The following MTHFD2 variants were observed in gnomAD, a reference collection of about 807,000 sequenced individuals.
MTHFD2 encodes methylenetetrahydrofolate dehydrogenase (NADP+ dependent) 2, methenyltetrahydrofolate cyclohydrolase, also known as bifunctional methylenetetrahydrofolate dehydrogenase/cyclohydrolase, mitochondrial.
In MTHFD2, 26 loss-of-function variants were observed where a neutral mutation model predicts 36.8. The observed-to-expected ratio is 0.71, with a 90% confidence interval of 0.52 to 0.98. MTHFD2 has a LOEUF of 0.98. MTHFD2 is among the 50% of genes least tolerant of loss of function. The probability of loss-of-function intolerance (pLI) is 0.00; values close to 1 mark genes in which losing one functional copy is unlikely to be tolerated. For synonymous variants in MTHFD2, 164 were observed against 155.2 expected (o/e 1.06, Z -0.42); for missense variants, 373 against 434.0 (o/e 0.86, Z 1.25).
At chr2:74,205,649 T>C in intron 1 of MTHFD2, 56 bp from the exon 2 acceptor site, 1 of 1,565,470 alleles carries the variant, frequency 6.4e-7, no homozygotes, top group Non-Finnish European at 8.7e-7. Context: ...TGGCAGAGTT[T>C]TAGTTTTTAT....
Position 74,211,745 on chromosome 2 carries a change from T to TC in MTHFD2, c.770dup (p.Asn258LysfsTer16). 10 of 1,606,386 alleles carry TC rather than the reference T, an allele frequency of 6.2e-6. No homozygotes were observed. Among genetic ancestry groups the TC allele is most frequent in the Non-Finnish European group, 7.6e-6 (9 of 1,176,566 alleles). Reference sequence around the variant, plus strand: ...CTTTCCTTTCTCCATTTCCAGGTATTCCAAATCTGATCACAGCAGATATGA... The same window carrying TC: ...CTTTCCTTTCTCCATTTCCAGGTATTCCCAAATCTGATCACAGCAGATATGA... On this transcript the variant is annotated frameshift_variant, in exon 7 of 8. Coordinates refer to ENST00000394053, the MANE Select transcript of MTHFD2 (RefSeq NM_006636.4). LOFTEE classifies it high-confidence loss of function.
intron 6 of MTHFD2, 52 bp downstream of exon 6, chr2:74,211,343 T>C: frequency 8.5e-7 from 1 of 1,183,352 alleles, no homozygotes. Flanking sequence ...AAGAGGAGGT[T>C]GTACCCCTCA....
intron 3 of MTHFD2, among the ~76,000 whole-genome samples, chr2:74,208,090 T>C (rs560975500): frequency 6.6e-6 from 1 of 152,294 alleles, no homozygotes; most frequent in Non-Finnish European, 1.5e-5. Context: ...ACATTTTTCC[T>C]AGAAATGAAA....
intron 1 of MTHFD2, among the ~76,000 whole-genome samples, chr2:74,202,930 G>A (rs1694074191): frequency 6.6e-6 from 1 of 152,176 alleles, no homozygotes; most frequent in Non-Finnish European, 1.5e-5. Context: ...ATAATTAAAT[G>A]CTATTATATG....
At chr2:74,204,867 C>T (rs779571161) in intron 1 of MTHFD2, among the ~76,000 whole-genome samples, 3 of 152,134 alleles carry the variant, frequency 2.0e-5, no homozygotes, top group African/African-American at 7.2e-5. Context: ...GCTCTGTCAC[C>T]GAGGCTGGAG....
rs747175500 is a variant in MTHFD2, at chr2:74,208,556, A to G, written c.410-13A>G. ...GTGGTGATTTAAGGCAACTGTGCCA[A>G]TTTCTTTTTCAGAGCATATTGATGA... On this transcript the variant is annotated splice_polypyrimidine_tract_variant and intron_variant, in intron 3 of 7. Coordinates refer to ENST00000394053, the MANE Select transcript of MTHFD2 (RefSeq NM_006636.4). 51 of 1,612,798 alleles carry G rather than the reference A, an allele frequency of 3.2e-5. No individual in the cohort carries two copies. The highest frequency in any genetic ancestry group is 1.2e-4 in the Admixed American group (7 of 59,896).
chr2:74,203,863 T>TGAG (rs2103810911), intron 1 of MTHFD2, among the ~76,000 whole-genome samples: 1 of 51,166 alleles, frequency 2.0e-5, no homozygotes, highest in South Asian at 4.4e-4. Flanking sequence ...TTAGTTTAGT[T>TGAG]TAGTTTAGTT....
chr2:74,200,852 TAAC>T (rs1179352654), intron 1 of MTHFD2, among the ~76,000 whole-genome samples: 3 of 152,250 alleles, frequency 2.0e-5, no homozygotes, highest in Non-Finnish European at 2.9e-5. Context: ...TAATAATTGA[TAAC>T]AACTCTTCCC....
intron 5 of MTHFD2, 24 bp downstream of exon 5, chr2:74,210,073 C>A: frequency 6.3e-7 from 1 of 1,587,584 alleles, no homozygotes; most frequent in Non-Finnish European, 8.6e-7. Flanking sequence ...TTTCAGGGAA[C>A]ACTGTCCTTT....
intron 1 of MTHFD2, 135 bp downstream of exon 1, chr2:74,198,877 G>A: frequency 1.3e-6 from 1 of 795,118 alleles, no homozygotes; most frequent in Non-Finnish European, 1.8e-6. Context: ...GCCGCTGAGG[G>A]GTGTGGCGGG....
intron 1 of MTHFD2, among the ~76,000 whole-genome samples, chr2:74,199,011 C>T (rs891599379): frequency 6.6e-6 from 1 of 152,162 alleles, no homozygotes; most frequent in Non-Finnish European, 1.5e-5. Context: ...GTCGCCGGGG[C>T]CCGTGGCCAG....
At chr2:74,208,136 G>C (rs1341151488) in intron 3 of MTHFD2, among the ~76,000 whole-genome samples, 1 of 152,052 alleles carries the variant, frequency 6.6e-6, no homozygotes, top group Non-Finnish European at 1.5e-5. Flanking sequence ...CTTGGACTCT[G>C]TGCTTCCCAA....
At chr2:74,207,191 C>T (rs150543400) in intron 2 of MTHFD2, among the ~76,000 whole-genome samples, 1,760 of 150,710 alleles carry the variant, frequency 0.012, 26 homozygotes, top group African/African-American at 0.041. Flanking sequence ...TGCAGTGGTG[C>T]GATCTCAGCT....
At position 74,211,228 on chromosome 2, in the gene MTHFD2, T is replaced by C. The variant is rs748610324; in HGVS notation, c.700T>C (p.Tyr234His). 6.2e-7 allele frequency: 1 copy of C among 1,608,136 alleles called. No individual in the cohort carries two copies. The highest frequency in any genetic ancestry group is 1.1e-5 in the South Asian group (1 of 90,654). The change falls in exon 6 of 8, where the codon TAT becomes CAT. Residue 234 changes from tyrosine to histidine, a missense_variant. By Grantham distance (83) the Tyr-to-His change is moderately conservative. Transcript: ENST00000394053. The stretch of plus-strand genomic sequence containing the variant: ...TGCCACTGTTACAATATCTCATCGA[T>C]ATACTCCCAAAGAGCAGTTGAAGAA... ...GDATVTISHR[Y>H]TPKEQLKKHT...
intron 4 of MTHFD2, among the ~76,000 whole-genome samples, chr2:74,209,228 T>C (rs949533725): frequency 4.0e-5 from 6 of 151,300 alleles, no homozygotes; most frequent in Admixed American, 6.6e-5. Flanking sequence ...TGAAGGAAAT[T>C]TTCTATTTTT....
intron 5 of MTHFD2, among the ~76,000 whole-genome samples, chr2:74,210,771 A>G (rs1694283509): frequency 6.7e-6 from 1 of 149,326 alleles, no homozygotes; most frequent in Admixed American, 6.7e-5. Flanking sequence ...AACATGGCAC[A>G]AGCCATTAAG....
At chr2:74,209,141 A>C (rs1050523054) in intron 4 of MTHFD2, among the ~76,000 whole-genome samples, 1 of 152,186 alleles carries the variant, frequency 6.6e-6, no homozygotes, top group African/African-American at 2.4e-5. Context: ...GAGTGCTGGG[A>C]TTATAGGCAT....
intron 1 of MTHFD2, among the ~76,000 whole-genome samples, chr2:74,205,215 C>T (rs1216910207): frequency 6.6e-6 from 1 of 152,202 alleles, no homozygotes; most frequent in East Asian, 1.9e-4. Flanking sequence ...ATTTGAAATA[C>T]ATGCCTGGCT....
At chr2:74,209,421 T>TC (rs1189741497) in intron 4 of MTHFD2, among the ~76,000 whole-genome samples, 2 of 151,736 alleles carry the variant, frequency 1.3e-5, no homozygotes, top group Admixed American at 6.6e-5. Flanking sequence ...TTTTTTTTTT[T>TC]CTCGTATTTT....
Sources: gnomAD v4.1 joint callset for allele counts (sites outside exome capture counted in the v4.1 genomes callset) on GRCh38, gnomAD v4.1.1 for gene constraint, MANE v1.5 for transcripts, NCBI Gene and HGNC (gene_info 2026-07-23, HGNC 2026-07-21) for gene names.